Variants in IFT43 observed in about 807,000 individuals in gnomAD.
The protein encoded by IFT43 is intraflagellar transport protein 43 homolog.
IFT43 carries 33 observed loss-of-function variants against 32.3 expected under a neutral mutation model. The observed-to-expected ratio is 1.02, with a 90% confidence interval of 0.77 to 1.37. The LOEUF is 1.37. Among genes scored for constraint, IFT43 ranks in the 40% most tolerant of loss-of-function variants. The pLI, the probability that IFT43 is intolerant of heterozygous loss-of-function variation, is 0.00. For synonymous variants in IFT43, 93 were observed against 98.2 expected, an observed-to-expected ratio of 0.95 and a Z score of 0.31; for missense variants, 274 against 265.9, an observed-to-expected ratio of 1.03 and a Z score of -0.21.
intron 2 of IFT43, among the ~76,000 whole-genome samples, chr14:75,994,992 T>C (rs1167551383): frequency 6.6e-6 from 1 of 152,200 alleles, no homozygotes; most frequent in African/African-American, 2.4e-5. Context: ...TCTAGACCTG[T>C]TTTTGGCTTA....
rs557232542 is a variant in IFT43, at chr14:76,070,767, T to G, written c.295+11394T>G. Reference sequence around the variant, plus strand: ...TCCGGTTGTTTAAGTGTGTGGCGCCTCCCCACCCCTCCCTCTTGCTCCTGC... The same window carrying G: ...TCCGGTTGTTTAAGTGTGTGGCGCCGCCCCACCCCTCCCTCTTGCTCCTGC... On this transcript the variant is annotated intron_variant, in intron 5 of 8. Coordinates refer to ENST00000314067, the MANE Select transcript of IFT43 (RefSeq NM_001102564.3). Among the ~76,000 whole-genome samples the G allele has an allele frequency of 1.3e-3, 196 of 152,000 alleles. 1 individual carries two copies. The highest frequency in any genetic ancestry group is 2.8e-3 in the Admixed American group (43 of 15,268).
chr14:76,063,557 C>T (rs992753976), intron 5 of IFT43, among the ~76,000 whole-genome samples: 6 of 152,238 alleles, frequency 3.9e-5, no homozygotes, highest in African/African-American at 1.4e-4. Flanking sequence ...CTTACTTTAT[C>T]TGTTTTCCTG....
chr14:76,051,013 T>C lies in IFT43; in HGVS notation c.216-7629T>C, dbSNP rs189611960. ...GCAGGGGGCAACATTCTCCCAGGAA[T>C]TGCCTTGTGATTCACTAGGCCTTGG... On this transcript the variant is annotated intron_variant, in intron 3 of 8. Coordinates refer to ENST00000314067, the MANE Select transcript of IFT43 (RefSeq NM_001102564.3). 1.5e-3 allele frequency among the ~76,000 whole-genome samples: 234 copies of C among 151,854 alleles called. 4 individuals are homozygous for C. In the South Asian group the frequency reaches 0.018, roughly 12 times the overall value.
chr14:76,058,658 T>C lies in IFT43; in HGVS notation c.232T>C (p.Ser78Pro). 1 of 1,613,062 alleles carries C rather than the reference T, an allele frequency of 6.2e-7. No individual in the cohort carries two copies. The highest frequency in any genetic ancestry group is 8.5e-7 in the Non-Finnish European group (1 of 1,179,728). Residue 78 changes from serine to proline, a missense_variant, in exon 4 of 9, where the codon TCT becomes CCT. Transcript: ENST00000314067. ...VKASKFRRKA[S>P]EEIEDFRLRP... ...TTTTTTCAGGTTTAGGAGGAAGGCTTCTGAAGAAATAGAAGAGTACGTTTC... is the reference window on the plus strand; with the variant it reads ...TTTTTTCAGGTTTAGGAGGAAGGCTCCTGAAGAAATAGAAGAGTACGTTTC...
At chr14:76,025,260 T>C (rs1167444602) in intron 3 of IFT43, among the ~76,000 whole-genome samples, 2 of 152,100 alleles carry the variant, frequency 1.3e-5, no homozygotes, top group Non-Finnish European at 2.9e-5. Context: ...TACAAAACAC[T>C]TTTCAAAGAA....
intron 3 of IFT43, among the ~76,000 whole-genome samples, chr14:76,032,940 A>G (rs540088927): frequency 1.3e-5 from 2 of 152,326 alleles, no homozygotes; most frequent in South Asian, 2.1e-4. Flanking sequence ...TCATGGTGCT[A>G]TAAGAGAGGG....
chr14:76,008,467 CTG>C (rs967490924), intron 2 of IFT43, among the ~76,000 whole-genome samples: 1 of 152,092 alleles, frequency 6.6e-6, no homozygotes, highest in African/African-American at 2.4e-5. Flanking sequence ...TACAGTAGAC[CTG>C]CAAGGGACTC....
Position 76,082,317 on chromosome 14 carries a change from G to T in IFT43, c.318G>T (p.Leu106=). The T allele has an allele frequency of 6.2e-7, 1 of 1,614,030 alleles. No homozygotes were observed. Among genetic ancestry groups the T allele is most frequent in the Non-Finnish European group, 8.5e-7 (1 of 1,179,872 alleles). The change falls in exon 6 of 9, where the codon CTG becomes CTT. Residue 106 remains leucine (L), a synonymous_variant. Coordinates refer to ENST00000314067, the MANE Select transcript of IFT43 (RefSeq NM_001102564.3). ...YGGDIPIIPD[L]EEVQEEDFVL... ...CAGATATTCCTATCATTCCGGATCT[G>T]GAGGAAGTACAGGAAGAAGACTTTG...
intron 5 of IFT43, among the ~76,000 whole-genome samples, chr14:76,077,819 C>T (rs1489670719): frequency 1.3e-5 from 2 of 152,156 alleles, no homozygotes; most frequent in East Asian, 1.9e-4. Context: ...TTCTCACCGC[C>T]GAGCACCTTT....
chr14:76,060,774 T>C lies in IFT43; in HGVS notation c.295+1401T>C, dbSNP rs183681489. Among the ~76,000 whole-genome samples, 358 of 152,240 alleles carry C rather than the reference T, an allele frequency of 2.4e-3. 3 individuals carry two copies. In the Middle Eastern group the frequency reaches 0.041, roughly 18 times the overall value. ...TTTCTTTTAGCATTTTAAATAGTTATTTTATTGTCTTTGGCCTTCTTTCTT... is the reference window on the plus strand; with the variant it reads ...TTTCTTTTAGCATTTTAAATAGTTACTTTATTGTCTTTGGCCTTCTTTCTT... On this transcript the variant is annotated intron_variant, in intron 5 of 8. Transcript: ENST00000314067.
At chr14:76,004,100 G>C (rs1357409692) in intron 2 of IFT43, among the ~76,000 whole-genome samples, 1 of 152,162 alleles carries the variant, frequency 6.6e-6, no homozygotes, top group Admixed American at 6.5e-5. Flanking sequence ...ACTTTAAACA[G>C]TTGTCACTGA....
intron 3 of IFT43, among the ~76,000 whole-genome samples, chr14:76,056,213 C>T (rs1237002955): frequency 6.6e-6 from 1 of 152,188 alleles, no homozygotes; most frequent in Non-Finnish European, 1.5e-5. Context: ...CCACTCAGTG[C>T]GCTCCCAGAA....
chr14:76,046,904 A>G (rs28605636), intron 3 of IFT43, among the ~76,000 whole-genome samples: 1 of 151,938 alleles, frequency 6.6e-6, no homozygotes, highest in South Asian at 2.1e-4. Flanking sequence ...ATGGAAATGT[A>G]TGTCTCACAG....
chr14:76,027,973 T>C (rs959733891), intron 3 of IFT43, among the ~76,000 whole-genome samples: 1 of 152,120 alleles, frequency 6.6e-6, no homozygotes, highest in Admixed American at 6.6e-5. Flanking sequence ...CATTGACTAT[T>C]TTGAGGAATC....
At chr14:75,999,277 A>ATTTTTT (rs2035835306) in intron 2 of IFT43, among the ~76,000 whole-genome samples, 1 of 18,702 alleles carries the variant, frequency 5.3e-5, no homozygotes. Flanking sequence ...ATATATGTAT[A>ATTTTTT]TATATTTTTT....
chr14:75,996,498 T>C (rs1394265230), intron 2 of IFT43, among the ~76,000 whole-genome samples: 1 of 152,252 alleles, frequency 6.6e-6, no homozygotes, highest in Non-Finnish European at 1.5e-5. Context: ...ATCCTAAATA[T>C]CAGTTCTGTC....
chr14:76,022,928 G>A (rs1024027737), intron 3 of IFT43, among the ~76,000 whole-genome samples: 2 of 152,186 alleles, frequency 1.3e-5, no homozygotes, highest in Non-Finnish European at 2.9e-5. Context: ...CATTCATAAA[G>A]GGGAACAATA....
chr14:76,013,739 C>T (rs1440248360), intron 2 of IFT43: 1 of 350,994 alleles, frequency 2.8e-6, no homozygotes, highest in Non-Finnish European at 5.5e-6. Context: ...GAATGAAAAA[C>T]TTCGTAACAT....
intron 5 of IFT43, chr14:76,059,625 C>A (rs2037092231): frequency 3.9e-6 from 2 of 507,040 alleles, no homozygotes; most frequent in East Asian, 7.3e-5. Flanking sequence ...CCTGAAACAT[C>A]TTCCCTTCCC....
Sources: gnomAD v4.1 joint callset for allele counts (sites outside exome capture counted in the v4.1 genomes callset) on GRCh38, gnomAD v4.1.1 for gene constraint, MANE v1.5 for transcripts, NCBI Gene and HGNC (gene_info 2026-07-23, HGNC 2026-07-21) for gene names.